ADGRE2: variants seen among roughly 807,000 people sequenced by gnomAD.
The protein encoded by ADGRE2 is adhesion G protein-coupled receptor E2.
Under a neutral mutation model 100.8 loss-of-function variants are expected in ADGRE2, and 83 were observed. The observed-to-expected ratio is 0.82, with a 90% CI of 0.69 to 0.99. The LOEUF (loss-of-function observed/expected upper bound fraction) is 0.99. ADGRE2 is among the 50% of genes least tolerant of loss of function. ADGRE2 has a pLI of 0.00. For synonymous variants in ADGRE2, 355 were observed against 413.0 expected (o/e 0.86, Z 1.70); for missense variants, 814 against 1,035.7 (o/e 0.79, Z 2.94).
At position 14,747,318 on chromosome 19, in the gene ADGRE2, T is replaced by A. The variant is rs181282863; in HGVS notation, c.2025-356A>T. On this transcript the variant is annotated intron_variant, in intron 16 of 20. Coordinates refer to ENST00000315576, the MANE Select transcript of ADGRE2 (RefSeq NM_013447.4). Reference sequence around the variant, plus strand: ...GAGCTTGAGACCAGCCTGAGCAACATAGCAAGACCCCATTTCTACAAAAAA... The same window carrying A: ...GAGCTTGAGACCAGCCTGAGCAACAAAGCAAGACCCCATTTCTACAAAAAA... 1.7e-4 allele frequency among the ~76,000 whole-genome samples: 26 copies of A among 151,892 alleles called. No homozygotes were observed. The East Asian group carries it at 4.3e-3, about 25-fold the overall frequency.
chr19:14,771,080 C>A (rs1345327058), intron 5 of ADGRE2, among the ~76,000 whole-genome samples: 1 of 152,070 alleles, frequency 6.6e-6, no homozygotes, highest in Non-Finnish European at 1.5e-5. Context: ...GTGAACCAGC[C>A]CCCCTGCTGG....
chr19:14,744,195 G>T (rs1041444527), intron 18 of ADGRE2, among the ~76,000 whole-genome samples: 5 of 151,248 alleles, frequency 3.3e-5, no homozygotes, highest in Admixed American at 6.6e-5. Context: ...AGTGAGTCGA[G>T]ATAGAGCCAC....
intron 7 of ADGRE2, 73 bp from the exon 8 acceptor site, chr19:14,765,877 G>A: frequency 6.2e-7 from 1 of 1,611,660 alleles, no homozygotes; most frequent in South Asian, 1.1e-5. Context: ...TGTGCCCCCA[G>A]CTCGTTCCTC....
chr19:14,770,680 T>C lies in ADGRE2; in HGVS notation c.355+1662A>G, dbSNP rs113741401. 5.4e-3 allele frequency among the ~76,000 whole-genome samples: 149 copies of C among 27,542 alleles called. 4 individuals are homozygous for C. The highest frequency in any genetic ancestry group is 0.011 in the African/African-American group (34 of 3,030). The allele number at this position is 27,542 out of a possible 152,430, so 18.1% of individuals were successfully genotyped here. On this transcript the variant is annotated intron_variant, in intron 5 of 20. Coordinates refer to ENST00000315576, the MANE Select transcript of ADGRE2 (RefSeq NM_013447.4). ...TGTTTCTTTCTTTTCTTTTTTTTTT[T>C]TTTTTTTTTTTTTTTTTGAGACAAA...
At chr19:14,749,394 A>G (rs1046788984) in intron 16 of ADGRE2, among the ~76,000 whole-genome samples, 4 of 141,294 alleles carry the variant, frequency 2.8e-5, no homozygotes, top group Non-Finnish European at 6.1e-5. Flanking sequence ...TTATAGTTAT[A>G]TAATATAATT....
At chr19:14,759,503 A>ATTTTTT (rs368205522) in intron 11 of ADGRE2, among the ~76,000 whole-genome samples, 1 of 133,380 alleles carries the variant, frequency 7.5e-6, no homozygotes, top group Admixed American at 7.7e-5. Context: ...ATATATATAT[A>ATTTTTT]TTTTTTTTTT....
Position 14,755,780 on chromosome 19 carries a change from A to C in ADGRE2, c.1290T>G (p.His430Gln). 2 of 1,614,124 alleles carry C rather than the reference A, an allele frequency of 1.2e-6. No individual in the cohort carries two copies. Among genetic ancestry groups the C allele is most frequent in the Non-Finnish European group, 1.7e-6 (2 of 1,179,946 alleles). The stretch of plus-strand genomic sequence containing the variant: ...CCTGCAGCAAGCCCTGGTGTGTCTC[A>C]TGCAGAAGCATCTGCTTCTCAGGTT... ...VLEPEKQMLL[H>Q]ETHQGLLQDG... Residue 430 changes from histidine to glutamine, a missense_variant, in exon 13 of 21, where the codon CAT becomes CAG. Transcript: ENST00000315576.
chr19:14,754,069 A>G (rs1002060239), intron 14 of ADGRE2, among the ~76,000 whole-genome samples: 3 of 151,482 alleles, frequency 2.0e-5, no homozygotes, highest in African/African-American at 7.3e-5. Context: ...TGGCTAGAAT[A>G]TAAGCAGGCA....
chr19:14,731,564 C>T (rs2524368), downstream of ADGRE2: 47,145 of 207,436 alleles, frequency 0.23, 5,634 homozygotes, highest in Non-Finnish European at 0.25. Context: ...GTTCTTCAAA[C>T]GTGTACCCTA....
At chr19:14,765,280 C>T (rs1008759627) in intron 10 of ADGRE2, 40 bp downstream of exon 10, 2 of 1,612,208 alleles carry the variant, frequency 1.2e-6, no homozygotes, top group African/African-American at 1.3e-5. Flanking sequence ...GATGCAGCCA[C>T]CTTCCTGCCT....
At chr19:14,762,533 G>A (rs998999166) in intron 11 of ADGRE2, among the ~76,000 whole-genome samples, 1 of 151,976 alleles carries the variant, frequency 6.6e-6, no homozygotes, top group Admixed American at 6.6e-5. Context: ...TTCACTTTTG[G>A]GCTGATGCAA....
chr19:14,740,491 C>T (rs1426218928), intron 20 of ADGRE2, among the ~76,000 whole-genome samples: 1 of 151,692 alleles, frequency 6.6e-6, no homozygotes, highest in Non-Finnish European at 1.5e-5. Flanking sequence ...CTTGGTGGCA[C>T]ATGCCTGTAA....
intron 15 of ADGRE2, 106 bp from the exon 16 acceptor site, chr19:14,751,777 AT>A: frequency 3.9e-6 from 3 of 767,424 alleles, no homozygotes; most frequent in Non-Finnish European, 6.4e-6. Context: ...ATTTGATGGC[AT>A]TATAGAGAAT....
chr19:14,738,969 C>CTTTTTTTTTTTT (rs68029679), intron 20 of ADGRE2, among the ~76,000 whole-genome samples: 1 of 104,912 alleles, frequency 9.5e-6, no homozygotes, highest in Non-Finnish European at 2.1e-5. Flanking sequence ...CTTTTCTTTT[C>CTTTTTTTTTTTT]TTTTTTTTTT....
intron 5 of ADGRE2, among the ~76,000 whole-genome samples, chr19:14,767,721 G>A (rs1459783431): frequency 6.6e-6 from 1 of 152,240 alleles, no homozygotes; most frequent in Non-Finnish European, 1.5e-5. Flanking sequence ...GTCAGGGTGG[G>A]ATTTTCTTGG....
chr19:14,757,600 G>A (rs12327836), intron 11 of ADGRE2, among the ~76,000 whole-genome samples: 18 of 152,124 alleles, frequency 1.2e-4, no homozygotes, highest in Non-Finnish European at 2.2e-4. Context: ...ACTATACAAT[G>A]GGGGAAAGAA....
chr19:14,764,691 A>G, intron 10 of ADGRE2, 81 bp from the exon 11 acceptor site: 1 of 1,409,448 alleles, frequency 7.1e-7, no homozygotes, highest in South Asian at 1.4e-5. Flanking sequence ...GCCCCAGGGA[A>G]CAGATCCTAG....
At chr19:14,754,367 A>T (rs2043407622) in intron 14 of ADGRE2, among the ~76,000 whole-genome samples, 1 of 151,310 alleles carries the variant, frequency 6.6e-6, no homozygotes, top group South Asian at 2.1e-4. Context: ...TGGGAAAGGC[A>T]GATCCACTCT....
Position 14,751,608 on chromosome 19 carries a change from G to A in ADGRE2, c.1852C>T (p.Leu618=). 6.2e-7 allele frequency: 1 copy of A among 1,614,052 alleles called. No homozygotes were observed. The highest frequency in any genetic ancestry group is 8.5e-7 in the Non-Finnish European group (1 of 1,180,022). Residue 618 remains leucine, a synonymous_variant, in exon 16 of 21, where the codon CTG becomes TTG. Transcript: ENST00000315576. ...AGGAAGAGGTACAGGGCCTCCAGCA[G>A]CATCCAGGTCAAGGTGGCCAGGTAG... The part of the protein sequence containing the change: ...YLYLATLTWM[L]LEALYLFLTA...
Sources: gnomAD v4.1 joint callset for allele counts (sites outside exome capture counted in the v4.1 genomes callset) on GRCh38, gnomAD v4.1.1 for gene constraint, MANE v1.5 for transcripts, NCBI Gene and HGNC (gene_info 2026-07-23, HGNC 2026-07-21) for gene names.